MAP4K5: variants seen among roughly 807,000 people sequenced by gnomAD.
MAP4K5 encodes the protein mitogen-activated protein kinase kinase kinase kinase 5, also known as MAPK/ERK kinase kinase kinase 5.
A neutral mutation model predicts 135.6 loss-of-function variants in MAP4K5; 82 were observed. That is an observed-to-expected ratio of 0.60 (90% confidence interval 0.51 to 0.73). The LOEUF (loss-of-function observed/expected upper bound fraction) is 0.73. Ranked by LOEUF, MAP4K5 falls within the 30% of genes least tolerant of loss-of-function variation. The pLI, the probability that MAP4K5 is intolerant of heterozygous loss-of-function variation, is 0.00. For synonymous variants in MAP4K5, 347 were observed against 335.0 expected, an observed-to-expected ratio of 1.04 and a Z score of -0.39; for missense variants, 907 against 1,010.9, an observed-to-expected ratio of 0.90 and a Z score of 1.39.
intron 2 of MAP4K5, among the ~76,000 whole-genome samples, chr14:50,515,402 C>T (rs2038016105): frequency 6.6e-6 from 1 of 152,126 alleles, no homozygotes; most frequent in African/African-American, 2.4e-5. Flanking sequence ...CCTCCCATTC[C>T]AGCCATTCTC....
intron 10 of MAP4K5, among the ~76,000 whole-genome samples, chr14:50,467,319 T>C (rs1319795635): frequency 2.6e-5 from 4 of 151,998 alleles, no homozygotes; most frequent in Non-Finnish European, 5.9e-5. Flanking sequence ...GCATAACAAA[T>C]ACATTTTTCC....
At position 50,486,193 on chromosome 14, in the gene MAP4K5, T is replaced by G; in HGVS notation, c.168A>C (p.Gly56=). The change falls in exon 4 of 33, where the codon GGA becomes GGC. Residue 56 remains glycine, a splice_region_variant and synonymous_variant. Transcript: ENST00000682126. ...CTTGTTGAATCAAAGAAAAATCATCTCCTGGAAAACAAAATAAGTTGTTTA... is the reference window on the plus strand; with the variant it reads ...CTTGTTGAATCAAAGAAAAATCATCGCCTGGAAAACAAAATAAGTTGTTTA... The part of the protein sequence containing the change: ...AAVKIIKLEP[G]DDFSLIQQEI... 1 of 1,099,888 alleles carries G rather than the reference T, an allele frequency of 9.1e-7. No homozygotes were observed. The highest frequency in any genetic ancestry group is 1.5e-5 in the South Asian group (1 of 67,502). The allele number at this position is 1,099,888 out of a possible 1,614,324, so 68.1% of individuals were successfully genotyped here.
intron 12 of MAP4K5, among the ~76,000 whole-genome samples, 185 bp downstream of exon 12, chr14:50,463,867 G>C (rs527385339): frequency 1.2e-3 from 147 of 122,058 alleles, no homozygotes; most frequent in African/African-American, 4.6e-3. Flanking sequence ...CTCCAGTCTG[G>C]GTGACAGAGT....
intron 1 of MAP4K5, among the ~76,000 whole-genome samples, chr14:50,554,081 C>G (rs2038736625): frequency 6.6e-6 from 1 of 151,700 alleles, no homozygotes; most frequent in East Asian, 1.9e-4. Flanking sequence ...AAAATCTGTT[C>G]CCCAAAAACT....
At chr14:50,510,556 T>TA (rs2037910700) in intron 2 of MAP4K5, among the ~76,000 whole-genome samples, 2 of 152,132 alleles carry the variant, frequency 1.3e-5, no homozygotes, top group Admixed American at 1.3e-4. Context: ...ATTGCTCTCT[T>TA]AAAAAAATTA....
chr14:50,471,723 T>G (rs1427626858), intron 9 of MAP4K5: 1 of 152,146 alleles, frequency 6.6e-6, no homozygotes, highest in East Asian at 1.9e-4. Context: ...GGGCTCATAC[T>G]GGTGAAAAAT....
rs374273129 is a variant in MAP4K5, at chr14:50,467,315, C to A, written c.675-670G>T. 7.2e-5 allele frequency among the ~76,000 whole-genome samples: 11 copies of A among 151,970 alleles called. No homozygotes were observed. In the East Asian group the frequency reaches 7.7e-4, roughly 11 times the overall value. ...AATTCCTGTTTCTTTTTTAGCATAA[C>A]AAATACATTTTTCCTTTCTAAAAAT... On this transcript the variant is annotated intron_variant, in intron 10 of 32. Transcript: ENST00000682126.
At chr14:50,465,381 T>A (rs1373757184) in intron 11 of MAP4K5, among the ~76,000 whole-genome samples, 1 of 152,230 alleles carries the variant, frequency 6.6e-6, no homozygotes, top group Non-Finnish European at 1.5e-5. Context: ...GCTTCTTTTA[T>A]TAAATGTATG....
chr14:50,424,669 C>T (rs946978447), intron 31 of MAP4K5, among the ~76,000 whole-genome samples: 14 of 148,550 alleles, frequency 9.4e-5, no homozygotes, highest in Non-Finnish European at 1.5e-4. Flanking sequence ...GAGATTGTGC[C>T]GCTGCACTCC....
upstream of MAP4K5, chr14:50,533,336 A>G (rs1436045967): frequency 6.6e-6 from 1 of 151,604 alleles, no homozygotes; most frequent in South Asian, 2.1e-4. Flanking sequence ...ATTTGGCAAC[A>G]TCTCGGTGTC....
rs111749923 is a variant in MAP4K5 at position 50,454,160 on chromosome 14, C to T, written c.1015+2356G>A. On this transcript the variant is annotated intron_variant, in intron 14 of 32. Coordinates refer to ENST00000682126, the MANE Select transcript of MAP4K5 (RefSeq NM_006575.6). Reference sequence around the variant, plus strand: ...AAAGTTGAGTAAAAGAAGCCAGGAACAAAAGTTGCTTTTTGTATAATTCCA... The same window carrying T: ...AAAGTTGAGTAAAAGAAGCCAGGAATAAAAGTTGCTTTTTGTATAATTCCA... Among the ~76,000 whole-genome samples the T allele has an allele frequency of 5.7e-3, 860 of 152,208 alleles. 4 individuals are homozygous for T. Among genetic ancestry groups the T allele is most frequent in the African/African-American group, 0.019 (799 of 41,564 alleles).
At chr14:50,486,944 A>C (rs1353798476) in intron 3 of MAP4K5, among the ~76,000 whole-genome samples, 1 of 152,214 alleles carries the variant, frequency 6.6e-6, no homozygotes, top group Non-Finnish European at 1.5e-5. Context: ...TTAGAAAAAC[A>C]TACAAGGCCA....
intron 2 of MAP4K5, among the ~76,000 whole-genome samples, chr14:50,539,248 G>A (rs947933844): frequency 2.0e-5 from 3 of 152,222 alleles, no homozygotes; most frequent in Admixed American, 2.0e-4. Flanking sequence ...GAGTGTCAGT[G>A]TAGGGCACAA....
At chr14:50,500,155 A>C (rs990650982) in intron 3 of MAP4K5, among the ~76,000 whole-genome samples, 2 of 152,204 alleles carry the variant, frequency 1.3e-5, no homozygotes, top group East Asian at 3.8e-4. Flanking sequence ...ACACTGTCCC[A>C]AGTGGTGAAA....
At chr14:50,450,446 C>T (rs1292528958) in intron 14 of MAP4K5, 4 of 151,996 alleles carry the variant, frequency 2.6e-5, no homozygotes, top group African/African-American at 9.7e-5. Flanking sequence ...TGACTTTCTG[C>T]CTGGGGGCAC....
At chr14:50,504,567 T>C (rs1056132587) in intron 3 of MAP4K5, among the ~76,000 whole-genome samples, 1 of 152,242 alleles carries the variant, frequency 6.6e-6, no homozygotes, top group African/African-American at 2.4e-5. Context: ...AAAAGAAAAT[T>C]ACTTTAACAG....
At chr14:50,540,940 G>A (rs998375993) in intron 2 of MAP4K5, among the ~76,000 whole-genome samples, 7 of 152,166 alleles carry the variant, frequency 4.6e-5, no homozygotes, top group Non-Finnish European at 1.0e-4. Flanking sequence ...CTCTTGGCTT[G>A]TGCAATAGCC....
intron 6 of MAP4K5, among the ~76,000 whole-genome samples, chr14:50,478,105 A>G (rs1379926583): frequency 6.6e-6 from 1 of 152,160 alleles, no homozygotes; most frequent in African/African-American, 2.4e-5. Flanking sequence ...TTGTGAGAAT[A>G]CATATAGGAT....
intron 12 of MAP4K5, 71 bp from the exon 13 acceptor site, chr14:50,462,852 A>G: frequency 1.2e-6 from 1 of 854,826 alleles, no homozygotes; most frequent in East Asian, 2.5e-5. Flanking sequence ...TGCTATCTTC[A>G]TTTTTTCATT....
Sources: allele counts gnomAD v4.1 joint callset (sites outside exome capture counted in the v4.1 genomes callset), GRCh38; gene constraint gnomAD v4.1.1; transcripts MANE v1.5; gene names NCBI Gene and HGNC (gene_info 2026-07-23, HGNC 2026-07-21).